FGD5: variants seen among roughly 807,000 people sequenced by gnomAD.
FGD5 encodes FYVE, RhoGEF and PH domain containing 5.
FGD5 carries 28 observed loss-of-function variants against 133.4 expected under a neutral mutation model. That is an observed-to-expected ratio of 0.21 (90% CI 0.16 to 0.29). The LOEUF (loss-of-function observed/expected upper bound fraction) is 0.29, where lower values mean the gene tolerates loss of function less well. FGD5 is among the 10% of genes least tolerant of loss of function. FGD5 has a pLI of 1.00. For synonymous variants in FGD5, 810 were observed against 776.5 expected (o/e 1.04, Z -0.72); for missense variants, 1,858 against 1,895.2 (o/e 0.98, Z 0.36).
rs142368104 is a variant in FGD5 at position 14,850,612 on chromosome 3, A to C, written c.2526-13516A>C. 9.1e-4 allele frequency among the ~76,000 whole-genome samples: 139 copies of C among 152,326 alleles called. 2 individuals are homozygous for C. In the East Asian group the frequency reaches 0.025, roughly 27 times the overall value. On this transcript the variant is annotated intron_variant, in intron 1 of 19. Transcript: ENST00000285046. The stretch of plus-strand genomic sequence containing the variant: ...CATTTGTCGGGCACCTACTGTGTGC[A>C]CTTCATGGAGGACACAGAAATGCAT...
At chr3:14,857,243 C>T (rs1305214666) in intron 1 of FGD5, among the ~76,000 whole-genome samples, 1 of 152,066 alleles carries the variant, frequency 6.6e-6, no homozygotes, top group Non-Finnish European at 1.5e-5. Flanking sequence ...TCCACCCCCC[C>T]AGGCTCAAGC....
intron 1 of FGD5, among the ~76,000 whole-genome samples, chr3:14,812,242 G>T (rs1389049536): frequency 6.6e-6 from 1 of 152,136 alleles, no homozygotes; most frequent in Non-Finnish European, 1.5e-5. Context: ...CAGGATCGGG[G>T]GTGCCACTTT....
intron 4 of FGD5, among the ~76,000 whole-genome samples, chr3:14,886,958 C>T (rs1413610880): frequency 6.6e-6 from 1 of 152,194 alleles, no homozygotes; most frequent in Non-Finnish European, 1.5e-5. Flanking sequence ...AGCATACGCC[C>T]TAGCCTACCT....
chr3:14,875,721 G>A (rs539185391), intron 2 of FGD5, among the ~76,000 whole-genome samples: 1 of 152,270 alleles, frequency 6.6e-6, no homozygotes, highest in South Asian at 2.1e-4. Flanking sequence ...CCAAGATGAG[G>A]GATGGGAAGC....
intron 18 of FGD5, among the ~76,000 whole-genome samples, chr3:14,928,801 C>T (rs2038857094): frequency 6.6e-6 from 1 of 152,186 alleles, no homozygotes; most frequent in Non-Finnish European, 1.5e-5. Flanking sequence ...CTGGATTGTA[C>T]AATTAACATT....
chr3:14,892,355 C>G lies in FGD5; in HGVS notation c.2749-5154C>G, dbSNP rs576289480. Among the ~76,000 whole-genome samples, 14 of 152,220 alleles carry G rather than the reference C, an allele frequency of 9.2e-5. No homozygotes were observed. In the East Asian group the frequency reaches 2.7e-3, roughly 29 times the overall value. On this transcript the variant is annotated intron_variant, in intron 4 of 19. Coordinates refer to ENST00000285046, the MANE Select transcript of FGD5 (RefSeq NM_152536.4). ...TAGCTGGAACTATAGGCGTGCACCA[C>G]CATGCCTGGAGAATTTTTTATATTT...
At chr3:14,898,384 G>A (rs989578061) in intron 6 of FGD5, among the ~76,000 whole-genome samples, 1 of 152,170 alleles carries the variant, frequency 6.6e-6, no homozygotes, top group African/African-American at 2.4e-5. Flanking sequence ...AGCCCCAGCC[G>A]TGGAGTGTTC....
intron 1 of FGD5, among the ~76,000 whole-genome samples, chr3:14,832,531 C>T (rs1256665335): frequency 1.3e-5 from 2 of 152,186 alleles, no homozygotes; most frequent in Non-Finnish European, 2.9e-5. Context: ...CTTTATGTGC[C>T]TCATTGTGTG....
intron 1 of FGD5, among the ~76,000 whole-genome samples, chr3:14,856,364 T>C (rs772499994): frequency 3.9e-5 from 6 of 152,226 alleles, no homozygotes; most frequent in Non-Finnish European, 8.8e-5. Flanking sequence ...GGGTCTTTTG[T>C]GGCTCCATGT....
At chr3:14,824,239 G>C (rs2036560988) in intron 1 of FGD5, among the ~76,000 whole-genome samples, 1 of 152,234 alleles carries the variant, frequency 6.6e-6, no homozygotes, top group Non-Finnish European at 1.5e-5. Flanking sequence ...GCTGGAGCAG[G>C]TCTGGGCAAG....
chr3:14,897,265 C>G, intron 4 of FGD5: 1 of 515,488 alleles, frequency 1.9e-6, no homozygotes, highest in African/African-American at 2.0e-5. Flanking sequence ...GTGTTGAGCC[C>G]TGCTCTGTGC....
At chr3:14,896,743 T>G (rs1340551250) in intron 4 of FGD5, among the ~76,000 whole-genome samples, 5 of 152,216 alleles carry the variant, frequency 3.3e-5, no homozygotes, top group African/African-American at 4.8e-5. Flanking sequence ...AGTGCTGGGA[T>G]TATAGGTGTG....
At chr3:14,875,472 A>G (rs913650149) in intron 2 of FGD5, among the ~76,000 whole-genome samples, 14 of 152,190 alleles carry the variant, frequency 9.2e-5, no homozygotes, top group African/African-American at 3.1e-4. Flanking sequence ...AGGTAGGAAA[A>G]AATAGAGTGG....
intron 1 of FGD5, among the ~76,000 whole-genome samples, chr3:14,812,026 GTGTGTATGTA>G (rs1293539271): frequency 6.2e-5 from 6 of 96,502 alleles, no homozygotes; most frequent in African/African-American, 2.1e-4. Flanking sequence ...GTGTGTGTGT[GTGTGTATGTA>G]TGTGTGTGTG....
intron 1 of FGD5, among the ~76,000 whole-genome samples, chr3:14,824,785 A>G (rs745583916): frequency 1.3e-5 from 2 of 152,372 alleles, no homozygotes; most frequent in South Asian, 4.1e-4. Flanking sequence ...CTATTGGGAA[A>G]TGGAAAAACA....
chr3:14,829,848 A>G (rs2036672776), intron 1 of FGD5, among the ~76,000 whole-genome samples: 1 of 152,208 alleles, frequency 6.6e-6, no homozygotes. Context: ...CAGATTCCTT[A>G]GAATGCATAA....
chr3:14,921,347 ACTTCACCCAGCTAG>A (rs1006219939), intron 13 of FGD5: 1 of 157,946 alleles, frequency 6.3e-6, no homozygotes, highest in Admixed American at 6.0e-5. Context: ...CACTGTGAGA[ACTTCACCCAGCTAG>A]CTGGCACCCA....
Position 14,923,065 on chromosome 3 carries a change from C to T in FGD5, c.3827C>T (p.Ser1276Leu), listed in dbSNP as rs759876410. Residue 1276 changes from serine to leucine, a missense_variant, in exon 16 of 20, where the codon TCG becomes TTG. Ser to Leu is a moderately radical substitution (Grantham distance 145). Transcript: ENST00000285046. ...CTGCAGATCGTGTGCCGGAACTGTT[C>T]GCGGAACAAGTACCCGCTGAAGTAC... is the stretch of plus-strand genomic sequence containing the variant. ...ACGKIVCRNC[S>L]RNKYPLKYLK... The T allele has an allele frequency of 5.6e-6, 9 of 1,613,676 alleles. No individual in the cohort carries two copies. Among genetic ancestry groups the T allele is most frequent in the East Asian group, 4.5e-5 (2 of 44,878 alleles).
Position 14,917,195 on chromosome 3 carries a change from C to T in FGD5, c.3406-54C>T. 6.6e-7 allele frequency: 1 copy of T among 1,504,682 alleles called. No homozygotes were observed. The highest frequency in any genetic ancestry group is 9.1e-7 in the Non-Finnish European group (1 of 1,095,722). 93.2% of individuals were successfully genotyped at this position (1,504,682 alleles called of 1,614,324 possible). On this transcript the variant is annotated intron_variant, in intron 11 of 19. Coordinates refer to ENST00000285046, the MANE Select transcript of FGD5 (RefSeq NM_152536.4). The surrounding 1 kb of genome is among the most constrained non-coding windows in gnomAD (Gnocchi z 4.1). Reference sequence around the variant, plus strand: ...CTCAGGGATCCTTTGAGGACAGAAGCCTGGCGCAGCCTTCTGGGGCCAGGG... The same window carrying T: ...CTCAGGGATCCTTTGAGGACAGAAGTCTGGCGCAGCCTTCTGGGGCCAGGG...
Sources: gnomAD v4.1 joint callset for allele counts (sites outside exome capture counted in the v4.1 genomes callset) on GRCh38, gnomAD v4.1.1 for gene constraint, Gnocchi (gnomAD v3.1) non-coding constraint, MANE v1.5 for transcripts, NCBI Gene and HGNC (gene_info 2026-07-23, HGNC 2026-07-21) for gene names.